The following NR6A1 variants were observed in gnomAD, a reference collection of about 807,000 sequenced individuals.
The protein encoded by NR6A1 is nuclear receptor subfamily 6 group A member 1.
NR6A1 carries 7 observed loss-of-function variants against 59.1 expected under a neutral mutation model. The ratio of observed to expected loss-of-function variants is 0.12; its 90% CI spans 0.07 to 0.22. The LOEUF is 0.22. Among genes scored for constraint, NR6A1 ranks in the 10% least tolerant of loss-of-function variants. The pLI is 1.00. For synonymous variants in NR6A1, 243 were observed against 236.1 expected, an observed-to-expected ratio of 1.03 and a Z score of -0.27; for missense variants, 468 against 611.6, an observed-to-expected ratio of 0.77 and a Z score of 2.48.
intron 2 of NR6A1, among the ~76,000 whole-genome samples, chr9:124,571,369 C>T (rs1023551994): frequency 2.0e-5 from 3 of 152,056 alleles, no homozygotes; most frequent in Non-Finnish European, 4.4e-5. Flanking sequence ...GGCATGGATG[C>T]GATTGCAGAG....
intron 2 of NR6A1, among the ~76,000 whole-genome samples, chr9:124,694,299 G>C (rs1284650037): frequency 6.6e-6 from 1 of 152,068 alleles, no homozygotes; most frequent in Non-Finnish European, 1.5e-5. Context: ...TGGGGGGAGA[G>C]TGGCTTAGAC....
At chr9:124,674,709 A>G (rs993894633) in intron 2 of NR6A1, among the ~76,000 whole-genome samples, 6 of 152,348 alleles carry the variant, frequency 3.9e-5, no homozygotes, top group Middle Eastern at 3.4e-3. Context: ...GAGAGGCCCA[A>G]TGGAAATATT....
At chr9:124,628,029 A>ATTG (rs758235714) in intron 2 of NR6A1, among the ~76,000 whole-genome samples, 5 of 148,960 alleles carry the variant, frequency 3.4e-5, no homozygotes, top group South Asian at 2.1e-4. Context: ...TGTTGTTGTT[A>ATTG]TTGTTGTTGT....
Position 124,675,738 on chromosome 9 carries a change from T to C in NR6A1, c.142+57570A>G, listed in dbSNP as rs543358752. ...AGAATCTTTGGTCATAAAAATATGA[T>C]GGTTAGCAACAGGAAGCAACTGCTG... On this transcript the variant is annotated intron_variant, in intron 2 of 9. Transcript: ENST00000487099. 2.1e-4 allele frequency among the ~76,000 whole-genome samples: 32 copies of C among 152,276 alleles called. No homozygotes were observed. In the South Asian group the frequency reaches 4.4e-3, roughly 21 times the overall value.
intron 2 of NR6A1, among the ~76,000 whole-genome samples, chr9:124,680,578 C>G (rs1299722548): frequency 2.0e-5 from 3 of 152,136 alleles, no homozygotes; most frequent in Non-Finnish European, 4.4e-5. Flanking sequence ...CTCCACTGTA[C>G]AAACGAGCCC....
chr9:124,743,617 T>C (rs1408037268), intron 1 of NR6A1, among the ~76,000 whole-genome samples: 1 of 152,236 alleles, frequency 6.6e-6, no homozygotes, highest in Non-Finnish European at 1.5e-5. Flanking sequence ...GCTTTGCAAT[T>C]ACAGCCTTGA....
chr9:124,632,141 G>C (rs1031309912), intron 2 of NR6A1, among the ~76,000 whole-genome samples: 1 of 152,276 alleles, frequency 6.6e-6, no homozygotes, highest in Non-Finnish European at 1.5e-5. Flanking sequence ...ATGTGCATGT[G>C]TCTTTATAAA....
intron 2 of NR6A1, among the ~76,000 whole-genome samples, chr9:124,591,421 C>T (rs1468868458): frequency 1.3e-5 from 2 of 152,210 alleles, no homozygotes; most frequent in Non-Finnish European, 2.9e-5. Flanking sequence ...CTTTCTCCAA[C>T]ACCAGGAAGC....
chr9:124,524,131 T>C (rs1291824585), intron 9 of NR6A1, among the ~76,000 whole-genome samples: 2 of 152,210 alleles, frequency 1.3e-5, no homozygotes, highest in African/African-American at 4.8e-5. Flanking sequence ...ATTCTTATTT[T>C]AAATTTTTTA....
chr9:124,711,254 C>T (rs1839272426), intron 2 of NR6A1, among the ~76,000 whole-genome samples: 1 of 149,952 alleles, frequency 6.7e-6, no homozygotes, highest in Admixed American at 6.6e-5. Context: ...CTATTCTAGC[C>T]TGCCAGGTCA....
At chr9:124,738,504 A>G (rs1840079542) in intron 1 of NR6A1, among the ~76,000 whole-genome samples, 2 of 152,186 alleles carry the variant, frequency 1.3e-5, no homozygotes, top group African/African-American at 2.4e-5. Flanking sequence ...CACACAAGCA[A>G]TCTGAAATGT....
chr9:124,583,683 G>C (rs960233633), intron 2 of NR6A1, among the ~76,000 whole-genome samples: 1 of 152,138 alleles, frequency 6.6e-6, no homozygotes, highest in Admixed American at 6.5e-5. Flanking sequence ...TACTCGGTCA[G>C]GTTGTTTCAC....
intron 1 of NR6A1, among the ~76,000 whole-genome samples, chr9:124,734,453 G>A (rs1029268618): frequency 2.6e-5 from 4 of 152,180 alleles, no homozygotes; most frequent in African/African-American, 4.8e-5. Context: ...AGCACTCTGG[G>A]AGGCCAAAAC....
At chr9:124,538,368 T>C (rs749214188) in intron 5 of NR6A1, 49 bp from the exon 6 acceptor site, 1 of 1,461,718 alleles carries the variant, frequency 6.8e-7, no homozygotes, top group Non-Finnish European at 9.5e-7. Context: ...AGTCTAGTAA[T>C]TACTCAAAGG....
chr9:124,536,129 G>A lies in NR6A1; in HGVS notation c.828C>T (p.Tyr276=), dbSNP rs903537566. ...LGTPMLIEDG[Y]AVTQAELFAL... Reference sequence around the variant, plus strand: ...CAAATAGTTCTGCCTGTGTCACAGCGTATCTGAGGGGCAGGGACAGGGGAA... The same window carrying A: ...CAAATAGTTCTGCCTGTGTCACAGCATATCTGAGGGGCAGGGACAGGGGAA... Residue 276 remains tyrosine (Y), a synonymous_variant, in exon 7 of 10, where the codon TAC becomes TAT. Transcript: ENST00000487099. 7 of 1,611,578 alleles carry A rather than the reference G, an allele frequency of 4.3e-6. No homozygotes were observed. Among genetic ancestry groups the A allele is most frequent in the Middle Eastern group, 1.7e-4 (1 of 5,752 alleles).
chr9:124,748,523 T>C (rs75438436), intron 1 of NR6A1, among the ~76,000 whole-genome samples: 1,662 of 152,176 alleles, frequency 0.011, 28 homozygotes, highest in African/African-American at 0.036. Flanking sequence ...AAACACTAAT[T>C]GTGGTCCCAT....
chr9:124,530,656 G>A (rs1423116086), intron 7 of NR6A1, among the ~76,000 whole-genome samples: 3 of 152,188 alleles, frequency 2.0e-5, no homozygotes, highest in Non-Finnish European at 4.4e-5. Flanking sequence ...GAGAAACTCA[G>A]TTGTCTCTTT....
intron 2 of NR6A1, among the ~76,000 whole-genome samples, chr9:124,647,907 T>A (rs1344756909): frequency 6.6e-6 from 1 of 152,088 alleles, no homozygotes; most frequent in Non-Finnish European, 1.5e-5. Context: ...ACCAATGGTA[T>A]GCAAAACTAT....
intron 2 of NR6A1, among the ~76,000 whole-genome samples, chr9:124,620,548 T>C (rs766709751): frequency 1.3e-5 from 2 of 152,186 alleles, no homozygotes; most frequent in Non-Finnish European, 2.9e-5. Context: ...AAAACCACCA[T>C]GCTACGTGAA....
Sources: gnomAD v4.1 joint callset for allele counts (sites outside exome capture counted in the v4.1 genomes callset) on GRCh38, gnomAD v4.1.1 for gene constraint, MANE v1.5 for transcripts, NCBI Gene and HGNC (gene_info 2026-07-23, HGNC 2026-07-21) for gene names.